MARCHF10: variants seen among roughly 807,000 people sequenced by gnomAD.
MARCHF10 encodes the protein membrane associated ring-CH-type finger 10, also known as probable E3 ubiquitin-protein ligase MARCHF10.
In MARCHF10, 64 loss-of-function variants were observed where a neutral mutation model predicts 76.2. The observed-to-expected ratio is 0.84, with a 90% CI of 0.69 to 1.03. The LOEUF (loss-of-function observed/expected upper bound fraction) is 1.03. MARCHF10 is among the 50% of genes least tolerant of loss of function. MARCHF10 has a pLI of 0.00. For missense variants in MARCHF10, 875 were observed against 958.0 expected, an observed-to-expected ratio of 0.91 and a Z score of 1.14; for synonymous variants, 340 against 357.5, an observed-to-expected ratio of 0.95 and a Z score of 0.55.
chr17:62,732,985 T>C (rs1185919720), intron 6 of MARCHF10, among the ~76,000 whole-genome samples: 2 of 89,580 alleles, frequency 2.2e-5, no homozygotes, highest in East Asian at 6.2e-4. Context: ...AGAGCAAGAC[T>C]CAGTCTCAAA....
chr17:62,742,144 G>A (rs1056488896), intron 5 of MARCHF10, among the ~76,000 whole-genome samples: 7 of 149,572 alleles, frequency 4.7e-5, no homozygotes, highest in East Asian at 2.0e-4. Context: ...CTCAGCCTCC[G>A]GAGTAGCTAG....
rs565788667 is a variant in MARCHF10 at position 62,718,307 on chromosome 17, C to T, written c.2214+4181G>A. On this transcript the variant is annotated intron_variant, in intron 8 of 10. Transcript: ENST00000311269. ...CTGGTAGGCTTTTCAGTGGGACCTGCGGCCTCAGACTACATGAGTGCAAAC... is the reference window on the plus strand; with the variant it reads ...CTGGTAGGCTTTTCAGTGGGACCTGTGGCCTCAGACTACATGAGTGCAAAC... 6.6e-5 allele frequency among the ~76,000 whole-genome samples: 10 copies of T among 152,282 alleles called. No individual in the cohort carries two copies. The South Asian group carries it at 1.5e-3, about 22-fold the overall frequency.
At chr17:62,769,564 C>T (rs1019868180) in intron 3 of MARCHF10, among the ~76,000 whole-genome samples, 1 of 152,104 alleles carries the variant, frequency 6.6e-6, no homozygotes, top group African/African-American at 2.4e-5. Flanking sequence ...TAGGTGCACG[C>T]CAACATGCCT....
intron 3 of MARCHF10, 43 bp downstream of exon 3, chr17:62,788,435 CAG>C: frequency 6.2e-7 from 1 of 1,610,948 alleles, no homozygotes; most frequent in Non-Finnish European, 8.5e-7. Flanking sequence ...CCACCACCAG[CAG>C]CAGCAGCAGC....
At chr17:62,774,141 C>T (rs543206331) in intron 3 of MARCHF10, among the ~76,000 whole-genome samples, 1 of 152,248 alleles carries the variant, frequency 6.6e-6, no homozygotes, top group African/African-American at 2.4e-5. Context: ...ACAGCAGAGC[C>T]GGAAGGTCTG....
chr17:62,704,180 G>T (rs906100145), intron 10 of MARCHF10, among the ~76,000 whole-genome samples: 11 of 151,652 alleles, frequency 7.3e-5, no homozygotes, highest in African/African-American at 2.2e-4. Flanking sequence ...TCGCCGAGGC[G>T]GAGGCTGGGA....
intron 5 of MARCHF10, chr17:62,737,545 A>G (rs1599160699): frequency 3.6e-6 from 2 of 559,782 alleles, no homozygotes; most frequent in Non-Finnish European, 6.2e-6. Context: ...CTGTGGTCCT[A>G]GGGAAATGGG....
intron 10 of MARCHF10, among the ~76,000 whole-genome samples, chr17:62,702,565 T>C (rs1599012580): frequency 6.7e-6 from 1 of 149,166 alleles, no homozygotes; most frequent in East Asian, 2.0e-4. Flanking sequence ...GCTTAGGAGG[T>C]TGAGGCAGGA....
intron 2 of MARCHF10, among the ~76,000 whole-genome samples, chr17:62,793,212 CACCACCTCCACT>C (rs1276303361): frequency 6.9e-6 from 1 of 144,462 alleles, no homozygotes; most frequent in Non-Finnish European, 1.5e-5. Context: ...CCACCACCAC[CACCACCTCCACT>C]GCCACCACCA....
intron 3 of MARCHF10, among the ~76,000 whole-genome samples, chr17:62,787,301 AT>A: frequency 6.6e-6 from 1 of 152,294 alleles, no homozygotes; most frequent in Admixed American, 6.5e-5. Context: ...TCCTTTGAAC[AT>A]TAAATAACCA....
chr17:62,791,014 ATAGATAG>A (rs1476168170), intron 2 of MARCHF10, among the ~76,000 whole-genome samples: 1 of 152,240 alleles, frequency 6.6e-6, no homozygotes, highest in Non-Finnish European at 1.5e-5. Context: ...ACTATGCCAC[ATAGATAG>A]TAAGTCATCA....
chr17:62,742,524 A>G (rs1394801947), intron 5 of MARCHF10, among the ~76,000 whole-genome samples: 1 of 152,150 alleles, frequency 6.6e-6, no homozygotes, highest in Admixed American at 6.6e-5. Context: ...TGGGGAGATA[A>G]GGAGCCACGG....
Position 62,722,490 on chromosome 17 carries a change from G to T in MARCHF10, c.2212C>A (p.Gln738Lys), listed in dbSNP as rs1289124150. ...GGCAGAGTGGCCACATTTCTTACCT[G>T]AGATTGCTGGTGCTTCTGGTAGAAC... Reference protein sequence around the residue: ...IEFYQKHQQSQAQNELMNSGL... With the variant: ...IEFYQKHQQSKAQNELMNSGL... The change falls in exon 8 of 11, where the codon CAG (glutamine) becomes AAG (lysine). Residue 738 changes from glutamine to lysine, a missense_variant and splice_region_variant. Coordinates refer to ENST00000311269, the MANE Select transcript of MARCHF10 (RefSeq NM_152598.4). The T allele has an allele frequency of 1.9e-6, 3 of 1,611,282 alleles. No individual in the cohort carries two copies. The East Asian group carries it at 6.7e-5, about 36-fold the overall frequency.
chr17:62,722,544 C>T lies in MARCHF10; in HGVS notation c.2158G>A (p.Val720Ile). Residue 720 changes from valine (V) to isoleucine (I), a missense_variant, in exon 8 of 11, where the codon GTT becomes ATT. Physicochemically the swap from Val to Ile is conservative, Grantham distance 29. Transcript: ENST00000311269. ...ATCATGTTAAAGTCACCCAGGTCAA[C>T]CAGCAGGCCTTGCTTACACATCTCA... ...TCEMCKQGLL[V>I]DLGDFNMIEF... is the part of the protein sequence containing the mutation. 1 of 1,614,014 alleles carries T rather than the reference C, an allele frequency of 6.2e-7. No homozygotes were observed. Among genetic ancestry groups the T allele is most frequent in the Non-Finnish European group, 8.5e-7 (1 of 1,179,974 alleles).
intron 4 of MARCHF10, among the ~76,000 whole-genome samples, chr17:62,755,889 G>A (rs542310777): frequency 7.9e-5 from 12 of 152,240 alleles, no homozygotes; most frequent in Middle Eastern, 3.4e-3. Context: ...CAAGGCGGGA[G>A]GATCACTTGA....
At chr17:62,742,780 C>G (rs961198027) in intron 5 of MARCHF10, among the ~76,000 whole-genome samples, 2 of 151,484 alleles carry the variant, frequency 1.3e-5, no homozygotes, top group Non-Finnish European at 2.9e-5. Flanking sequence ...TGCACTGCAG[C>G]CTCGATGTCC....
intron 9 of MARCHF10, among the ~76,000 whole-genome samples, chr17:62,709,175 A>C (rs1468314630): frequency 6.6e-6 from 1 of 152,088 alleles, no homozygotes; most frequent in Admixed American, 6.6e-5. Flanking sequence ...ACAAATGATC[A>C]CCACCATTAA....
In MARCHF10 at chr17:62,724,928, C is replaced by T. The variant is rs765898521; in HGVS notation, c.2104+10G>A. 3.1e-6 allele frequency: 5 copies of T among 1,610,830 alleles called. No homozygotes were observed. The highest frequency in any genetic ancestry group is 1.3e-5 in the African/African-American group (1 of 74,926). ...CGTGGCACGTTCACTGCACTTCCTT[C>T]CCCACCTACCTGATGTTATTTTCAC... On this transcript the variant is annotated intron_variant, in intron 7 of 10. Transcript: ENST00000311269.
In MARCHF10 at chr17:62,737,154, G is replaced by A. The variant is rs1319836354; in HGVS notation, c.714C>T (p.Ala238=). Residue 238 remains alanine (A), a synonymous_variant, in exon 6 of 11, where the codon GCC becomes GCT. Coordinates refer to ENST00000311269, the MANE Select transcript of MARCHF10 (RefSeq NM_152598.4). ...QSELHPALSQ[A]FQGKNSPQVL... is the part of the protein sequence containing the mutation. ...CTTGAGGACTATTTTTTCCTTGGAA[G>A]GCCTGGGACAGGGCTGGATGCAGCT... is the stretch of plus-strand genomic sequence containing the variant. 2 of 1,613,928 alleles carry A rather than the reference G, an allele frequency of 1.2e-6. No homozygotes were observed. The highest frequency in any genetic ancestry group is 1.7e-6 in the Non-Finnish European group (2 of 1,180,016).
Sources: allele counts gnomAD v4.1 joint callset (sites outside exome capture counted in the v4.1 genomes callset), GRCh38; gene constraint gnomAD v4.1.1; transcripts MANE v1.5; gene names NCBI Gene and HGNC (gene_info 2026-07-23, HGNC 2026-07-21).